Variants in CDCP1 observed in about 807,000 individuals in gnomAD.
The protein encoded by CDCP1 is CUB domain containing protein 1, also known as CUB domain-containing protein 1.
Under a neutral mutation model 60.2 loss-of-function variants are expected in CDCP1, and 29 were observed. That is an observed-to-expected ratio of 0.48 (90% CI 0.36 to 0.66). The LOEUF is 0.66. CDCP1 is among the 30% of genes least tolerant of loss of function. The pLI is 0.00. For synonymous variants in CDCP1, 387 were observed against 431.1 expected (o/e 0.90, Z 1.27); for missense variants, 876 against 1,074.3 (o/e 0.82, Z 2.58).
In CDCP1 at chr3:45,114,799, GT is replaced by G. The variant is rs1464550874; in HGVS notation, c.293-2355del. On this transcript the variant is annotated intron_variant, in intron 2 of 8. Coordinates refer to ENST00000296129, the MANE Select transcript of CDCP1 (RefSeq NM_022842.5). Reference sequence around the variant, plus strand: ...ATCTGATGCTGATTTCAGAATGATTGTTCAGAAAAGGCAATGAAGGGCAGGT... The same window carrying G: ...ATCTGATGCTGATTTCAGAATGATTGTCAGAAAAGGCAATGAAGGGCAGGT... Among the ~76,000 whole-genome samples the G allele has an allele frequency of 2.6e-5, 4 of 152,156 alleles. No individual in the cohort carries two copies. The South Asian group carries it at 8.3e-4, about 32-fold the overall frequency.
intron 1 of CDCP1, among the ~76,000 whole-genome samples, chr3:45,125,291 C>T (rs1386789802): frequency 6.6e-6 from 1 of 152,136 alleles, no homozygotes; most frequent in Non-Finnish European, 1.5e-5. Context: ...GGTTGTTGGC[C>T]ACGGAGTTTG....
At chr3:45,093,177 C>T (rs940853990) in intron 6 of CDCP1, 100 bp downstream of exon 6, 1 of 1,397,794 alleles carries the variant, frequency 7.2e-7, no homozygotes, top group African/African-American at 1.4e-5. Flanking sequence ...TGAGCTATCC[C>T]TTCTTTCCAA....
At chr3:45,128,481 C>T (rs555857239) in intron 1 of CDCP1, among the ~76,000 whole-genome samples, 21 of 152,308 alleles carry the variant, frequency 1.4e-4, no homozygotes, top group Non-Finnish European at 2.6e-4. Flanking sequence ...GAGAGAGACA[C>T]AAAGTTCCCA....
At chr3:45,086,156 C>T (rs1698190650) in intron 8 of CDCP1, 89 bp from the exon 9 acceptor site, 4 of 1,165,214 alleles carry the variant, frequency 3.4e-6, no homozygotes, top group Non-Finnish European at 3.7e-6. Context: ...AGCTTGGATT[C>T]TTTAGGGTTC....
chr3:45,108,925 ATGCATG>A lies in CDCP1; in HGVS notation c.1024+1542_1024+1547del, dbSNP rs1377905738. 5.0e-5 allele frequency among the ~76,000 whole-genome samples: 3 copies of A among 60,092 alleles called. 1 individual carries two copies. The highest frequency in any genetic ancestry group is 8.2e-4 in the East Asian group (2 of 2,434). 39.4% of individuals were successfully genotyped at this position (60,092 alleles called of 152,430 possible). On this transcript the variant is annotated intron_variant, in intron 4 of 8. Coordinates refer to ENST00000296129, the MANE Select transcript of CDCP1 (RefSeq NM_022842.5). ...TATGCATGTATACATATATATATAT[ATGCATG>A]TATACATATATATATATATATATTT...
chr3:45,110,738 C>A lies in CDCP1; in HGVS notation c.759G>T (p.Gln253His). The A allele has an allele frequency of 1.2e-6, 2 of 1,614,214 alleles. No individual in the cohort carries two copies. The highest frequency in any genetic ancestry group is 1.7e-6 in the Non-Finnish European group (2 of 1,180,048). ...CCCGCAGGTGTGCAGGAACGACAAA[C>A]TGCCACGTCATGAGCTCATCCTCAG... The part of the protein sequence containing the change: ...GFPEDELMTW[Q>H]FVVPAHLRAS... The change falls in exon 4 of 9, where the codon CAG (glutamine) becomes CAT (histidine). Residue 253 changes from glutamine (Q) to histidine (H), a missense_variant. This residue lies in a region of CDCP1 where 726 missense variants were observed against 935.7 expected (regional missense o/e 0.78). Transcript: ENST00000296129.
At chr3:45,142,259 A>G (rs1172967659) in intron 1 of CDCP1, among the ~76,000 whole-genome samples, 1 of 150,852 alleles carries the variant, frequency 6.6e-6, no homozygotes, top group Non-Finnish European at 1.5e-5. Context: ...TGACCAGCAG[A>G]CTCCTCTCCC....
rs576803302 is a variant in CDCP1, at chr3:45,119,726, T to C, written c.83-1105A>G. Among the ~76,000 whole-genome samples, 3 of 152,248 alleles carry C rather than the reference T, an allele frequency of 2.0e-5. No homozygotes were observed. In the East Asian group the frequency reaches 5.8e-4, roughly 29 times the overall value. On this transcript the variant is annotated intron_variant, in intron 1 of 8. Transcript: ENST00000296129. ...TTTAAAAAATCAACCTTATTGACAG[T>C]AATTTACACACATTAAAAAGGACTC...
intron 4 of CDCP1, among the ~76,000 whole-genome samples, chr3:45,103,312 A>G (rs1698513155): frequency 6.6e-6 from 1 of 152,166 alleles, no homozygotes; most frequent in Non-Finnish European, 1.5e-5. Flanking sequence ...TGTGGGTATC[A>G]GTCGTTCTTT....
At chr3:45,144,858 T>C (rs1699352861) in intron 1 of CDCP1, among the ~76,000 whole-genome samples, 1 of 152,172 alleles carries the variant, frequency 6.6e-6, no homozygotes. Flanking sequence ...TAGTAAATAT[T>C]CATCAGCCAG....
Position 45,110,598 on chromosome 3 carries a change from T to G in CDCP1, c.899A>C (p.Lys300Thr), listed in dbSNP as rs2125996961. ...TNPEVFKLED[K>T]QPGNMAGNFN... Reference sequence around the variant, plus strand: ...GTTCCCCGCCATGTTCCCAGGCTGCTTGTCCTCCAGCTTGAACACCTCGGG... The same window carrying G: ...GTTCCCCGCCATGTTCCCAGGCTGCGTGTCCTCCAGCTTGAACACCTCGGG... The change falls in exon 4 of 9, where the codon AAG becomes ACG. Residue 300 changes from lysine to threonine, a missense_variant. By Grantham distance (78) the Lys-to-Thr change is moderately conservative. Around this residue, in one of 2 missense-constraint regions of CDCP1, gnomAD observed 726 missense variants for 935.7 expected, o/e 0.78. Transcript: ENST00000296129. The G allele has an allele frequency of 6.2e-7, 1 of 1,614,222 alleles. No individual in the cohort carries two copies. Among genetic ancestry groups the G allele is most frequent in the Middle Eastern group, 1.6e-4 (1 of 6,062 alleles).
At position 45,093,371 on chromosome 3, in the gene CDCP1, C is replaced by G. The variant is rs1369907963; in HGVS notation, c.1533G>C (p.Gln511His). 2.5e-6 allele frequency: 4 copies of G among 1,614,116 alleles called. No homozygotes were observed. Among genetic ancestry groups the G allele is most frequent in the Non-Finnish European group, 3.4e-6 (4 of 1,180,062 alleles). The change falls in exon 6 of 9, where the codon CAG (glutamine) becomes CAC (histidine). Residue 511 changes from glutamine to histidine, a missense_variant. Transcript: ENST00000296129. ...GGSIKQIQVK[Q>H]NISVTLRTFA... The stretch of plus-strand genomic sequence containing the variant: ...AGGTGCGAAGGGTCACCGAGATGTT[C>G]TGCTTCACCTGGATCTGCTTGATAG...
At position 45,093,289 on chromosome 3, in the gene CDCP1, G is replaced by A; in HGVS notation, c.1615C>T (p.Pro539Ser). 6.2e-7 allele frequency: 1 copy of A among 1,613,446 alleles called. No homozygotes were observed. The highest frequency in any genetic ancestry group is 8.5e-7 in the Non-Finnish European group (1 of 1,179,468). ...AGACCCCCCTTACCTTTGAAATAAG[G>A]TATAAAGGACACCGTCAGACCCTGC... ...SRQGLTVSFI[P>S]YFKEEGVFTV... Residue 539 changes from proline to serine, a missense_variant, in exon 6 of 9, where the codon CCT becomes TCT. Coordinates refer to ENST00000296129, the MANE Select transcript of CDCP1 (RefSeq NM_022842.5).
intron 6 of CDCP1, among the ~76,000 whole-genome samples, chr3:45,092,987 C>T (rs770614917): frequency 4.6e-5 from 7 of 152,216 alleles, no homozygotes; most frequent in African/African-American, 1.7e-4. Flanking sequence ...TCATTTACGT[C>T]CTGCCTGCTT....
intron 1 of CDCP1, among the ~76,000 whole-genome samples, chr3:45,132,204 A>G (rs1356607009): frequency 6.6e-6 from 1 of 151,322 alleles, no homozygotes; most frequent in East Asian, 1.9e-4. Flanking sequence ...CCACTGCACT[A>G]CAGCCTGGCG....
intron 4 of CDCP1, among the ~76,000 whole-genome samples, chr3:45,101,560 A>G (rs1003075890): frequency 6.6e-6 from 1 of 152,172 alleles, no homozygotes; most frequent in Non-Finnish European, 1.5e-5. Flanking sequence ...ATGATAGTGA[A>G]GCTGTTCCTT....
At chr3:45,122,579 C>G (rs12629370) in intron 1 of CDCP1, among the ~76,000 whole-genome samples, 1 of 151,584 alleles carries the variant, frequency 6.6e-6, no homozygotes, top group Non-Finnish European at 1.5e-5. Flanking sequence ...CTCAGTCTCC[C>G]GAGTAGCTGG....
intron 2 of CDCP1, among the ~76,000 whole-genome samples, 193 bp downstream of exon 2, chr3:45,118,219 T>C (rs906144511): frequency 6.6e-6 from 1 of 152,182 alleles, no homozygotes; most frequent in Non-Finnish European, 1.5e-5. Flanking sequence ...GTTTTAAAGA[T>C]TAAACAAATT....
At chr3:45,126,320 A>G (rs758058221) in intron 1 of CDCP1, among the ~76,000 whole-genome samples, 2 of 149,544 alleles carry the variant, frequency 1.3e-5, no homozygotes, top group Non-Finnish European at 3.0e-5. Flanking sequence ...ATTCTTATTA[A>G]GTGAATGCAG....
Sources: gnomAD v4.1 joint callset for allele counts (sites outside exome capture counted in the v4.1 genomes callset) on GRCh38, gnomAD v4.1.1 for gene constraint, gnomAD v4.1.1 regional missense constraint, MANE v1.5 for transcripts, NCBI Gene and HGNC (gene_info 2026-07-23, HGNC 2026-07-21) for gene names.